Variants in ECRG4 observed in about 807,000 individuals in gnomAD.
ECRG4 encodes the protein augurin.
In ECRG4, 18 loss-of-function variants were observed where a neutral mutation model predicts 15.8. That is an observed-to-expected ratio of 1.14 (90% CI 0.79 to 1.69). ECRG4 has a LOEUF of 1.69. Among genes scored for constraint, ECRG4 ranks in the 40% most tolerant of loss-of-function variants. The probability of loss-of-function intolerance (pLI) is 0.00; values close to 1 mark genes in which losing one functional copy is unlikely to be tolerated. For synonymous variants in ECRG4, 82 were observed against 73.9 expected (o/e 1.11, Z -0.56); for missense variants, 200 against 190.9 (o/e 1.05, Z -0.28).
At chr2:106,077,032 A>G (rs1297237980) in intron 3 of ECRG4, among the ~76,000 whole-genome samples, 1 of 152,184 alleles carries the variant, frequency 6.6e-6, no homozygotes, top group Non-Finnish European at 1.5e-5. Flanking sequence ...ATCATTCTAC[A>G]CTACTTACTC....
At chr2:106,071,425 G>T (rs1181855354) in intron 1 of ECRG4, among the ~76,000 whole-genome samples, 1 of 146,008 alleles carries the variant, frequency 6.8e-6, no homozygotes, top group Non-Finnish European at 1.5e-5. Context: ...TATCTGAAAA[G>T]ACCCCATTTC....
At chr2:106,064,985 C>A (rs376715373), upstream of ECRG4, among the ~76,000 whole-genome samples, 1 of 151,994 alleles carries the variant, frequency 6.6e-6, no homozygotes, top group African/African-American at 2.4e-5. Flanking sequence ...GATTACAGAG[C>A]GGGCAAAGGG....
intron 1 of ECRG4, chr2:106,070,820 G>T (rs540109094): frequency 2.0e-5 from 9 of 443,278 alleles, no homozygotes; most frequent in Admixed American, 1.5e-4. Flanking sequence ...GGAAGGAGAG[G>T]CTAAGAACCC....
At position 106,065,782 on chromosome 2, in the gene ECRG4, G is replaced by T; in HGVS notation, c.18G>T (p.Ala6=). The T allele has an allele frequency of 1.3e-6, 2 of 1,482,532 alleles. No homozygotes were observed. The highest frequency in any genetic ancestry group is 8.9e-7 in the Non-Finnish European group (1 of 1,123,210). 91.8% of individuals were successfully genotyped at this position (1,482,532 alleles called of 1,614,324 possible). A position where few individuals can be genotyped will look rare whatever the true frequency, so the allele number is the denominator to read the frequency against. The part of the protein sequence containing the change: MAASP[A]RPAVLALTGL... The stretch of plus-strand genomic sequence containing the variant: ...CCGCCGCCATGGCTGCCTCCCCCGC[G>T]CGGCCTGCTGTCCTGGCCCTGACCG... Residue 6 remains alanine, a synonymous_variant, in exon 1 of 4, where the codon GCG becomes GCT. Transcript: ENST00000238044.
At chr2:106,076,901 A>G (rs2104800205) in intron 3 of ECRG4, among the ~76,000 whole-genome samples, 1 of 152,310 alleles carries the variant, frequency 6.6e-6, no homozygotes, top group East Asian at 1.9e-4. Context: ...CCTGAGCATC[A>G]GCACACGAGT....
chr2:106,072,419 G>A (rs555274618), intron 2 of ECRG4: 1 of 152,764 alleles, frequency 6.5e-6, no homozygotes, highest in South Asian at 2.1e-4. Flanking sequence ...ACAGGTTCTG[G>A]ACCTGCTGTA....
rs200768761 is a variant in ECRG4 at position 106,073,958 on chromosome 2, G to A, written c.200G>A (p.Arg67His). The change falls in exon 3 of 4, where the codon CGC (arginine) becomes CAC (histidine). Residue 67 changes from arginine (R) to histidine (H), a missense_variant. Transcript: ENST00000238044. Reference protein sequence around the residue: ...KAKEFLGSLKRQKRQLWDRTR... With the variant: ...KAKEFLGSLKHQKRQLWDRTR... ...AAAGAATTCCTTGGCAGCCTGAAGC[G>A]CCAGAAGCGGCAGCTGTGGGACCGG... is the stretch of plus-strand genomic sequence containing the variant. 2.3e-4 allele frequency: 374 copies of A among 1,614,206 alleles called. 1 individual carries two copies. The East Asian group carries it at 6.6e-3, about 29-fold the overall frequency.
At chr2:106,069,124 C>T (rs13001983) in intron 1 of ECRG4, among the ~76,000 whole-genome samples, 105,691 of 136,186 alleles carry the variant, frequency 0.78, 37,740 homozygotes, top group African/African-American at 0.79. Flanking sequence ...TTTCTTTCTT[C>T]CTTTCTCTTT....
At chr2:106,072,001 A>AT in intron 2 of ECRG4, 110 bp downstream of exon 2, 2 of 891,664 alleles carry the variant, frequency 2.2e-6, no homozygotes, top group Non-Finnish European at 1.8e-6. Context: ...AAAAGTGTTT[A>AT]CTCCTTAAAA....
chr2:106,072,005 C>T, intron 2 of ECRG4, 114 bp downstream of exon 2: 1 of 850,278 alleles, frequency 1.2e-6, no homozygotes, highest in Non-Finnish European at 1.9e-6. Context: ...GTGTTTACTC[C>T]TTAAAAGGTT....
rs185643114 is a variant in ECRG4, at chr2:106,077,835, A to G, written c.356A>G (p.Tyr119Cys). The change falls in exon 4 of 4, where the codon TAC (tyrosine) becomes TGC (cysteine). Residue 119 changes from tyrosine to cysteine, a missense_variant. By Grantham distance (194) the Tyr-to-Cys change is radical. Transcript: ENST00000238044. ...RNGHEYYGDY[Y>C]QRHYDEDSAI... ...GGACATGAATACTATGGCGATTACT[A>G]CCAACGTCACTATGATGAAGACTCT... is the stretch of plus-strand genomic sequence containing the variant. The G allele has an allele frequency of 1.0e-4, 167 of 1,614,140 alleles. No individual in the cohort carries two copies. Among genetic ancestry groups the G allele is most frequent in the Non-Finnish European group, 1.4e-4 (162 of 1,179,994 alleles).
At chr2:106,067,567 TC>T (rs1676253036) in intron 1 of ECRG4, among the ~76,000 whole-genome samples, 2 of 152,086 alleles carry the variant, frequency 1.3e-5, no homozygotes, top group African/African-American at 4.8e-5. Flanking sequence ...CCTCCCAGGT[TC>T]AAGCGATTCT....
chr2:106,069,167 TCTTTTTTC>T (rs145148014), intron 1 of ECRG4, among the ~76,000 whole-genome samples: 40,543 of 147,562 alleles, frequency 0.27, 6,112 homozygotes, highest in East Asian at 0.45. Context: ...TTTCTTTCTT[TCTTTTTTC>T]TTTCTTTCTT....
chr2:106,065,577 G>A (rs899781852), upstream of ECRG4: 81 of 416,768 alleles, frequency 1.9e-4, no homozygotes, highest in East Asian at 3.1e-3. Context: ...GTACTCGCCC[G>A]TGCGCTGGGC....
At chr2:106,071,776 T>C in intron 1 of ECRG4, 68 bp from the exon 2 acceptor site, 1 of 1,382,822 alleles carries the variant, frequency 7.2e-7, no homozygotes, top group African/African-American at 1.4e-5. Flanking sequence ...CCCACTCTGA[T>C]TTTTGCCTTT....
intron 2 of ECRG4, among the ~76,000 whole-genome samples, chr2:106,073,551 AG>A (rs1473241365): frequency 3.9e-5 from 6 of 152,100 alleles, no homozygotes; most frequent in African/African-American, 1.4e-4. Flanking sequence ...GCGGAGCCTG[AG>A]GGGTGGGCCA....
At chr2:106,068,628 C>T (rs1395710771) in intron 1 of ECRG4, among the ~76,000 whole-genome samples, 1 of 152,178 alleles carries the variant, frequency 6.6e-6, no homozygotes, top group Admixed American at 6.5e-5. Flanking sequence ...AACATCAGAC[C>T]ACATTTCATT....
chr2:106,074,217 A>G (rs1245887448), intron 3 of ECRG4, 174 bp downstream of exon 3: 10 of 730,954 alleles, frequency 1.4e-5, no homozygotes, highest in Non-Finnish European at 2.2e-5. Flanking sequence ...CTATGGTGTA[A>G]GGGCGATGGC....
At chr2:106,071,714 C>T (rs1676376638) in intron 1 of ECRG4, 130 bp from the exon 2 acceptor site, 1 of 665,112 alleles carries the variant, frequency 1.5e-6, no homozygotes, top group East Asian at 2.7e-5. Context: ...GTGTTAAATA[C>T]TGTGATGTTA....
Sources: allele counts gnomAD v4.1 joint callset (sites outside exome capture counted in the v4.1 genomes callset), GRCh38; gene constraint gnomAD v4.1.1; transcripts MANE v1.5; gene names NCBI Gene and HGNC (gene_info 2026-07-23, HGNC 2026-07-21).